The following MAPK10 variants were observed in gnomAD, a reference collection of about 807,000 sequenced individuals.
The protein encoded by MAPK10 is JNK3 alpha protein kinase.
In MAPK10, 25 loss-of-function variants were observed where a neutral mutation model predicts 59.3. The observed-to-expected ratio is 0.42, with a 90% CI of 0.31 to 0.59. The LOEUF (loss-of-function observed/expected upper bound fraction) is 0.59, where lower values mean the gene tolerates loss of function less well. Ranked by LOEUF, MAPK10 falls within the 20% of genes least tolerant of loss-of-function variation. The pLI, the probability that MAPK10 is intolerant of heterozygous loss-of-function variation, is 0.15. For synonymous variants in MAPK10, 190 were observed against 200.5 expected (o/e 0.95, Z 0.44); for missense variants, 351 against 568.9 (o/e 0.62, Z 3.90).
chr4:86,449,733 C>T (rs541445743), intron 1 of MAPK10, among the ~76,000 whole-genome samples: 3 of 152,190 alleles, frequency 2.0e-5, no homozygotes, highest in Non-Finnish European at 2.9e-5. Flanking sequence ...GGTTATATTA[C>T]GTGGCAAAGG....
intron 4 of MAPK10, among the ~76,000 whole-genome samples, chr4:86,149,839 T>A (rs1429032250): frequency 6.6e-6 from 1 of 152,112 alleles, no homozygotes; most frequent in African/African-American, 2.4e-5. Flanking sequence ...GATCTTAGAG[T>A]CTGCACTCTA....
chr4:86,058,096 C>A (rs530967747), intron 11 of MAPK10, among the ~76,000 whole-genome samples: 1 of 149,494 alleles, frequency 6.7e-6, no homozygotes, highest in East Asian at 1.9e-4. Context: ...ATAGTACTTG[C>A]GATGTCTTGG....
chr4:86,388,707 T>G (rs1030892085), intron 1 of MAPK10, among the ~76,000 whole-genome samples: 4 of 152,126 alleles, frequency 2.6e-5, no homozygotes, highest in Non-Finnish European at 2.9e-5. Flanking sequence ...CCAAATCACT[T>G]TATGTAACCT....
At chr4:86,439,359 T>C (rs1749150057) in intron 1 of MAPK10, among the ~76,000 whole-genome samples, 1 of 152,208 alleles carries the variant, frequency 6.6e-6, no homozygotes, top group Non-Finnish European at 1.5e-5. Flanking sequence ...TTAAATCATA[T>C]ATTATGTAGC....
At chr4:86,507,625 T>C (rs1461058161) in intron 1 of MAPK10, among the ~76,000 whole-genome samples, 3 of 38,084 alleles carry the variant, frequency 7.9e-5, no homozygotes, top group African/African-American at 1.3e-4. Flanking sequence ...GATATATATA[T>C]ATATATATAT....
At chr4:86,237,313 C>T (rs202038560) in intron 2 of MAPK10, among the ~76,000 whole-genome samples, 2 of 152,172 alleles carry the variant, frequency 1.3e-5, no homozygotes, top group Non-Finnish European at 2.9e-5. Context: ...CTGCAATAAA[C>T]ATATGTGTGC....
chr4:86,452,886 G>C (rs141123385), intron 1 of MAPK10: 1 of 152,234 alleles, frequency 6.6e-6, no homozygotes, highest in East Asian at 1.9e-4. Flanking sequence ...ACCCTCTAAA[G>C]GGTCCTGCAG....
intron 1 of MAPK10, among the ~76,000 whole-genome samples, chr4:86,491,903 A>G (rs1564943832): frequency 6.6e-6 from 1 of 152,186 alleles, no homozygotes; most frequent in Non-Finnish European, 1.5e-5. Flanking sequence ...GTGCCTAGGT[A>G]TGAATTTCCT....
At chr4:86,201,249 T>C (rs1563035308) in intron 2 of MAPK10, among the ~76,000 whole-genome samples, 2 of 151,916 alleles carry the variant, frequency 1.3e-5, no homozygotes, top group Non-Finnish European at 2.9e-5. Flanking sequence ...TCCATTCTTC[T>C]GCTGATAAAC....
chr4:86,067,612 G>C, intron 10 of MAPK10, among the ~76,000 whole-genome samples, 161 bp downstream of exon 10: 1 of 152,064 alleles, frequency 6.6e-6, no homozygotes, highest in Non-Finnish European at 1.5e-5. Flanking sequence ...CTCTATACAT[G>C]TTTCAAAAAT....
intron 1 of MAPK10, among the ~76,000 whole-genome samples, chr4:86,464,130 T>A (rs1383177861): frequency 6.6e-6 from 1 of 152,232 alleles, no homozygotes; most frequent in Non-Finnish European, 1.5e-5. Flanking sequence ...TTATAAATAG[T>A]CTTACTCATT....
intron 1 of MAPK10, among the ~76,000 whole-genome samples, chr4:86,414,182 C>T (rs1745563567): frequency 6.6e-6 from 1 of 152,074 alleles, no homozygotes; most frequent in Non-Finnish European, 1.5e-5. Context: ...ACCCCTCATC[C>T]ATGATATCCT....
rs989343733 is a variant in MAPK10, at chr4:86,190,339, C to T, written c.66+3997G>A. On this transcript the variant is annotated intron_variant, in intron 3 of 13. Transcript: ENST00000641462. ...AAGGAATGATACCAGCTCTTCTGTA[C>T]CTCCAGTAGAATTCAGCTGTGAATC... is the stretch of plus-strand genomic sequence containing the variant. 6.6e-5 allele frequency among the ~76,000 whole-genome samples: 10 copies of T among 152,022 alleles called. No homozygotes were observed. In the South Asian group the frequency reaches 1.5e-3, roughly 22 times the overall value.
chr4:86,416,473 T>C (rs1745875787), intron 1 of MAPK10, among the ~76,000 whole-genome samples: 1 of 152,244 alleles, frequency 6.6e-6, no homozygotes, highest in Non-Finnish European at 1.5e-5. Flanking sequence ...TTCCTGTTAT[T>C]GTTATTAGTT....
chr4:86,185,586 T>C (rs28583812), intron 3 of MAPK10, among the ~76,000 whole-genome samples: 21,008 of 152,142 alleles, frequency 0.14, 1,489 homozygotes, highest in African/African-American at 0.16. Context: ...CAATTCTTTC[T>C]AATGTTTTAA....
rs189356190 is a variant in MAPK10, at chr4:86,477,475, C to A, written c.-263+116435G>T. On this transcript the variant is annotated intron_variant, in intron 1 of 4. Transcript: ENST00000502302. ...CTCCCCTTGTATCTCCCCACCTTAA[C>A]CCACAAGTATAAGATACCTCTACTC... Among the ~76,000 whole-genome samples, 496 of 152,148 alleles carry A rather than the reference C, an allele frequency of 3.3e-3. 1 individual carries two copies. Among genetic ancestry groups the A allele is most frequent in the Non-Finnish European group, 5.8e-3 (392 of 68,016 alleles).
At chr4:86,378,763 CT>C (rs1740210637) in intron 1 of MAPK10, among the ~76,000 whole-genome samples, 3 of 152,126 alleles carry the variant, frequency 2.0e-5, no homozygotes, top group Admixed American at 2.0e-4. Flanking sequence ...CTGGATAGGC[CT>C]TGGGAGAGGC....
At chr4:86,321,882 A>G (rs1482154979) in intron 2 of MAPK10, 4 of 151,690 alleles carry the variant, frequency 2.6e-5, no homozygotes, top group Non-Finnish European at 5.9e-5. Context: ...TTTTAAACAG[A>G]GACAGGATAT....
chr4:86,035,389 A>AC (rs2040038542), intron 11 of MAPK10, among the ~76,000 whole-genome samples: 1 of 150,818 alleles, frequency 6.6e-6, no homozygotes, highest in Non-Finnish European at 1.5e-5. Context: ...AAAAAAAAAA[A>AC]AAAAAATGAT....
Sources: allele counts gnomAD v4.1 joint callset (sites outside exome capture counted in the v4.1 genomes callset), GRCh38; gene constraint gnomAD v4.1.1; transcripts MANE v1.5; gene names NCBI Gene and HGNC (gene_info 2026-07-23, HGNC 2026-07-21).